AGMO: variants seen among roughly 807,000 people sequenced by gnomAD.
AGMO encodes the protein glyceryl-ether monooxygenase.
AGMO carries 75 observed loss-of-function variants against 60.2 expected under a neutral mutation model. The ratio of observed to expected loss-of-function variants is 1.25; its 90% CI spans 1.03 to 1.51. The LOEUF (loss-of-function observed/expected upper bound fraction) is 1.51. AGMO is among the 40% of genes most tolerant of loss of function. The pLI is 0.00. For missense variants in AGMO, 763 were observed against 525.5 expected (o/e 1.45, Z -4.42); for synonymous variants, 261 against 177.1 (o/e 1.47, Z -3.76).
At chr7:15,467,924 C>T (rs1365536334) in intron 3 of AGMO, among the ~76,000 whole-genome samples, 8 of 152,056 alleles carry the variant, frequency 5.3e-5, no homozygotes, top group South Asian at 2.1e-4. Flanking sequence ...CCTGGATCCC[C>T]GTACCCTCCC....
the AGMO span, among the ~76,000 whole-genome samples, chr7:15,194,385 G>T: frequency 4.6e-5 from 7 of 151,146 alleles, no homozygotes; most frequent in Non-Finnish European, 1.0e-4. Context: ...TAAAAAAAAA[G>T]AAAAATATAT....
chr7:15,342,801 A>AAAAC (rs1554419147), intron 12 of AGMO, among the ~76,000 whole-genome samples: 1,635 of 107,920 alleles, frequency 0.015, 195 homozygotes, highest in East Asian at 0.12. Flanking sequence ...AAAAAAAAAA[A>AAAAC]AAAATTGATC....
the AGMO span, among the ~76,000 whole-genome samples, chr7:15,180,789 T>C: frequency 1.1e-4 from 16 of 152,330 alleles, no homozygotes; most frequent in East Asian, 1.4e-3. Context: ...TCATTTTCTG[T>C]TGCTATCGCA....
chr7:15,446,721 A>T (rs1045832257), intron 3 of AGMO, among the ~76,000 whole-genome samples: 3 of 152,226 alleles, frequency 2.0e-5, no homozygotes, highest in Admixed American at 2.0e-4. Context: ...TCCTTGAGAT[A>T]CTTATTAGAA....
chr7:15,394,608 T>A (rs1426111473), intron 5 of AGMO, among the ~76,000 whole-genome samples: 1 of 152,214 alleles, frequency 6.6e-6, no homozygotes, highest in African/African-American at 2.4e-5. Context: ...ACCCTTAGAT[T>A]TCATGTTGCA....
intron 12 of AGMO, among the ~76,000 whole-genome samples, chr7:15,310,797 T>C (rs1778161119): frequency 6.6e-6 from 1 of 152,120 alleles, no homozygotes; most frequent in African/African-American, 2.4e-5. Context: ...TGTTCGAAAA[T>C]CAAGGTGTTG....
chr7:15,170,369 T>C, the AGMO span, among the ~76,000 whole-genome samples: 14 of 152,224 alleles, frequency 9.2e-5, no homozygotes, highest in East Asian at 1.2e-3. Context: ...TGTAGTTGTT[T>C]ATTTTTATTA....
intron 10 of AGMO, among the ~76,000 whole-genome samples, chr7:15,376,402 C>T (rs987525281): frequency 6.6e-6 from 1 of 151,848 alleles, no homozygotes; most frequent in Admixed American, 6.6e-5. Context: ...TTTTCAGCAG[C>T]TTTATTAAAA....
intron 12 of AGMO, among the ~76,000 whole-genome samples, chr7:15,361,456 C>T (rs1326005964): frequency 1.4e-5 from 2 of 146,764 alleles, no homozygotes; most frequent in Non-Finnish European, 3.0e-5. Context: ...GGGAGAATGG[C>T]GTGAACCTGG....
At chr7:15,275,796 G>T (rs1041247064) in intron 12 of AGMO, among the ~76,000 whole-genome samples, 1 of 151,806 alleles carries the variant, frequency 6.6e-6, no homozygotes, top group Non-Finnish European at 1.5e-5. Context: ...TGATGCTTTT[G>T]TCTTTTTTTT....
chr7:15,339,438 G>A (rs577357994), intron 12 of AGMO, among the ~76,000 whole-genome samples: 181 of 152,258 alleles, frequency 1.2e-3, no homozygotes, highest in Middle Eastern at 3.4e-3. Context: ...TATACAGTGT[G>A]ATTATGCATA....
chr7:15,392,496 A>G, intron 6 of AGMO, among the ~76,000 whole-genome samples: 1 of 152,078 alleles, frequency 6.6e-6, no homozygotes, highest in African/African-American at 2.4e-5. Flanking sequence ...ATTAAAAAAC[A>G]TTAAAAGTCA....
At position 15,226,868 on chromosome 7, in the gene AGMO, C is replaced by CATTATAAAATTTACTG. The variant is rs563110660; in HGVS notation, c.1264-25510_1264-25509insCAGTAAATTTTATAAT. ...TGAAAAATAGTCTGGCAGAAAACGTCATTATAAAATCAGTAAAAAGAAAAT... is the reference window on the plus strand; with the variant it reads ...TGAAAAATAGTCTGGCAGAAAACGTCATTATAAAATTTACTGATTATAAAATCAGTAAAAAGAAAAT... On this transcript the variant is annotated intron_variant, in intron 12 of 12. Coordinates refer to ENST00000342526, the MANE Select transcript of AGMO (RefSeq NM_001004320.2). Among the ~76,000 whole-genome samples the CATTATAAAATTTACTG allele has an allele frequency of 2.8e-4, 43 of 152,134 alleles. No homozygotes were observed. In the South Asian group the frequency reaches 8.9e-3, roughly 32 times the overall value.
At chr7:15,383,046 T>C (rs1783757578) in intron 10 of AGMO, among the ~76,000 whole-genome samples, 1 of 152,088 alleles carries the variant, frequency 6.6e-6, no homozygotes, top group South Asian at 2.1e-4. Flanking sequence ...ATGAGGATCC[T>C]GTGTAGTTGA....
chr7:15,120,689 G>C, the AGMO span, among the ~76,000 whole-genome samples: 1 of 152,096 alleles, frequency 6.6e-6, no homozygotes, highest in African/African-American at 2.4e-5. Flanking sequence ...AAAATACATG[G>C]CTGTTGTTGA....
At chr7:15,203,165 C>T (rs996081301) in intron 12 of AGMO, among the ~76,000 whole-genome samples, 7 of 152,078 alleles carry the variant, frequency 4.6e-5, no homozygotes, top group African/African-American at 1.4e-4. Context: ...ATAAAGTTTT[C>T]GGAGTATTCT....
intron 3 of AGMO, among the ~76,000 whole-genome samples, chr7:15,465,903 T>G (rs1782271837): frequency 6.6e-6 from 1 of 152,012 alleles, no homozygotes; most frequent in Non-Finnish European, 1.5e-5. Flanking sequence ...CCCTCCTAAA[T>G]CAGTAGTCAG....
intron 12 of AGMO, among the ~76,000 whole-genome samples, chr7:15,218,720 G>T (rs1781823456): frequency 6.6e-6 from 1 of 152,222 alleles, no homozygotes; most frequent in South Asian, 2.1e-4. Flanking sequence ...GAATACAGGT[G>T]ATATTCCTGC....
At chr7:15,191,284 G>A in the AGMO span, among the ~76,000 whole-genome samples, 1 of 152,144 alleles carries the variant, frequency 6.6e-6, no homozygotes, top group Admixed American at 6.5e-5. Context: ...ACGATATCTT[G>A]CTAAATGTGG....
Sources: gnomAD v4.1 joint callset for allele counts (sites outside exome capture counted in the v4.1 genomes callset) on GRCh38, gnomAD v4.1.1 for gene constraint, MANE v1.5 for transcripts, NCBI Gene and HGNC (gene_info 2026-07-23, HGNC 2026-07-21) for gene names.